Variants in DNAH9 observed in about 807,000 individuals in gnomAD.
DNAH9 encodes the protein dynein axonemal heavy chain 9.
DNAH9 carries 345 observed loss-of-function variants against 471.6 expected under a neutral mutation model. The observed-to-expected ratio is 0.73, with a 90% CI of 0.67 to 0.80. The LOEUF is 0.80. Among genes scored for constraint, DNAH9 ranks in the 30% least tolerant of loss-of-function variants. The pLI is 0.00. For missense variants in DNAH9, 5,407 were observed against 5,609.2 expected (o/e 0.96, Z 1.15); for synonymous variants, 2,093 against 2,123.6 (o/e 0.99, Z 0.40).
chr17:11,758,786 G>T (rs887837494), intron 35 of DNAH9, among the ~76,000 whole-genome samples: 1 of 152,124 alleles, frequency 6.6e-6, no homozygotes, highest in Admixed American at 6.5e-5. Flanking sequence ...AGTCAAGTAG[G>T]TGACATTGTG....
intron 26 of DNAH9, among the ~76,000 whole-genome samples, chr17:11,707,796 C>T (rs2074729505): frequency 6.6e-6 from 1 of 152,062 alleles, no homozygotes; most frequent in Non-Finnish European, 1.5e-5. Flanking sequence ...CCTTGATCAC[C>T]TGGAGTTCAT....
chr17:11,918,280 G>A (rs1432134879), intron 61 of DNAH9, among the ~76,000 whole-genome samples: 1 of 151,992 alleles, frequency 6.6e-6, no homozygotes, highest in African/African-American at 2.4e-5. Context: ...TGCCCACGCT[G>A]GAGTGCAGTG....
chr17:11,912,448 G>C (rs1202588359), intron 61 of DNAH9, among the ~76,000 whole-genome samples: 1 of 152,142 alleles, frequency 6.6e-6, no homozygotes. Flanking sequence ...TGGATTTTTT[G>C]TAGATATCCT....
At chr17:11,667,315 A>C (rs1010667298) in intron 15 of DNAH9, among the ~76,000 whole-genome samples, 2 of 152,218 alleles carry the variant, frequency 1.3e-5, no homozygotes, top group Non-Finnish European at 2.9e-5. Flanking sequence ...TTTATAAACT[A>C]TACCATCTTA....
chr17:11,861,361 T>A (rs1021368028), intron 50 of DNAH9, among the ~76,000 whole-genome samples: 1 of 151,124 alleles, frequency 6.6e-6, no homozygotes, highest in Non-Finnish European at 1.5e-5. Flanking sequence ...AACTCATCAT[T>A]TTTTATGGCT....
intron 45 of DNAH9, among the ~76,000 whole-genome samples, chr17:11,818,451 A>G (rs368178601): frequency 1.3e-5 from 2 of 151,980 alleles, no homozygotes; most frequent in Non-Finnish European, 2.9e-5. Flanking sequence ...AAGAAGAGAA[A>G]AGAAAGTGGG....
At chr17:11,755,689 C>T in intron 33 of DNAH9, among the ~76,000 whole-genome samples, 1 of 146,232 alleles carries the variant, frequency 6.8e-6, no homozygotes, top group Non-Finnish European at 1.5e-5. Flanking sequence ...AACACACATA[C>T]ACACACACAC....
intron 15 of DNAH9, among the ~76,000 whole-genome samples, chr17:11,668,019 A>G (rs144497985): frequency 1.3e-5 from 2 of 152,370 alleles, no homozygotes; most frequent in African/African-American, 4.8e-5. Context: ...AAAGTCATAT[A>G]AAAATAAGTG....
chr17:11,719,640 T>A, intron 27 of DNAH9, 150 bp downstream of exon 27: 1 of 697,612 alleles, frequency 1.4e-6, no homozygotes, highest in African/African-American at 1.8e-5. Context: ...TCCTTCGTGG[T>A]AAAGTTGGAC....
At chr17:11,671,407 G>A (rs1006875462) in intron 17 of DNAH9, among the ~76,000 whole-genome samples, 2 of 150,478 alleles carry the variant, frequency 1.3e-5, no homozygotes, top group African/African-American at 5.0e-5. Context: ...AGGAAGCAGA[G>A]GGGGGGCAGA....
intron 68 of DNAH9, among the ~76,000 whole-genome samples, chr17:11,967,216 C>T (rs1021478944): frequency 1.3e-5 from 2 of 151,850 alleles, no homozygotes; most frequent in African/African-American, 4.8e-5. Context: ...AAGCAATCCT[C>T]TTGCCTCAGT....
At chr17:11,635,899 C>T (rs1459363903) in intron 8 of DNAH9, among the ~76,000 whole-genome samples, 4 of 152,104 alleles carry the variant, frequency 2.6e-5, no homozygotes, top group Non-Finnish European at 5.9e-5. Flanking sequence ...CAAATTTTTG[C>T]CCTTCAAATT....
intron 20 of DNAH9, among the ~76,000 whole-genome samples, chr17:11,692,135 G>A (rs943588298): frequency 1.3e-5 from 2 of 152,160 alleles, no homozygotes; most frequent in Non-Finnish European, 2.9e-5. Flanking sequence ...TGGGCAAGGG[G>A]CAGGATCACA....
Position 11,689,836 on chromosome 17 carries a change from GT to G in DNAH9, c.4017del (p.Phe1339LeufsTer29), listed in dbSNP as rs745922291. 7.4e-6 allele frequency: 12 copies of G among 1,613,320 alleles called. No homozygotes were observed. The highest frequency in any genetic ancestry group is 1.0e-5 in the Non-Finnish European group (12 of 1,179,558). Reference protein sequence around the residue: ...VEAMELECKQFARHIRNLDKE... With the variant: ...VEAMELECKQXARHIRNLDKE... Reference sequence around the variant, plus strand: ...AAGCCATGGAGTTGGAGTGCAAACAGTTTGCCCGGCATATCCGAAACCTGGA... The same window carrying G: ...AAGCCATGGAGTTGGAGTGCAAACAGTTGCCCGGCATATCCGAAACCTGGA... On this transcript the variant is annotated frameshift_variant, in exon 20 of 69. Transcript: ENST00000262442. LOFTEE classifies it high-confidence loss of function.
Position 11,670,935 on chromosome 17 carries a change from T to A in DNAH9, c.3353+1141T>A, listed in dbSNP as rs201074024. 2.4e-4 allele frequency among the ~76,000 whole-genome samples: 37 copies of A among 152,300 alleles called. No individual in the cohort carries two copies. In the East Asian group the frequency reaches 7.0e-3, roughly 29 times the overall value. On this transcript the variant is annotated intron_variant, in intron 17 of 68. Coordinates refer to ENST00000262442, the MANE Select transcript of DNAH9 (RefSeq NM_001372.4). ...TCAGGCTGGTCTTGAACTCCTGACC[T>A]CAGGTGATCCGGCTGCCTTGACTTC...
At chr17:11,766,159 CA>C (rs1242699504) in intron 36 of DNAH9, among the ~76,000 whole-genome samples, 1 of 151,914 alleles carries the variant, frequency 6.6e-6, no homozygotes, top group Non-Finnish European at 1.5e-5. Flanking sequence ...AGCTAAACAC[CA>C]AAAATAGTGC....
chr17:11,776,591 C>T (rs1394519757), intron 38 of DNAH9, among the ~76,000 whole-genome samples: 1 of 152,172 alleles, frequency 6.6e-6, no homozygotes, highest in African/African-American at 2.4e-5. Flanking sequence ...AAGGACTTAT[C>T]TCAAAGTCAT....
intron 1 of DNAH9, among the ~76,000 whole-genome samples, chr17:11,604,816 A>G (rs1007220118): frequency 1.3e-5 from 2 of 152,004 alleles, no homozygotes; most frequent in Non-Finnish European, 2.9e-5. Context: ...ACTGTGCCAC[A>G]CCACCGTCTT....
At chr17:11,784,750 A>C (rs1320860085) in intron 41 of DNAH9, among the ~76,000 whole-genome samples, 1 of 152,168 alleles carries the variant, frequency 6.6e-6, no homozygotes, top group East Asian at 1.9e-4. Flanking sequence ...CAATTAAATT[A>C]TTTCTCGGTA....
Sources: gnomAD v4.1 joint callset for allele counts (sites outside exome capture counted in the v4.1 genomes callset) on GRCh38, gnomAD v4.1.1 for gene constraint, MANE v1.5 for transcripts, NCBI Gene and HGNC (gene_info 2026-07-23, HGNC 2026-07-21) for gene names.